ROBO1: variants seen among roughly 807,000 people sequenced by gnomAD.
ROBO1 encodes roundabout homolog 1.
A neutral mutation model predicts 195.9 loss-of-function variants in ROBO1; 149 were observed. The ratio of observed to expected loss-of-function variants is 0.76; its 90% CI spans 0.67 to 0.87. ROBO1 has a LOEUF of 0.87. ROBO1 is among the 40% of genes least tolerant of loss of function. The pLI is 0.00. For missense variants in ROBO1, 1,933 were observed against 2,068.3 expected (o/e 0.93, Z 1.27); for synonymous variants, 816 against 733.2 (o/e 1.11, Z -1.82).
intron 2 of ROBO1, among the ~76,000 whole-genome samples, chr3:79,192,941 G>T (rs1410058987): frequency 6.6e-6 from 1 of 151,626 alleles, no homozygotes; most frequent in African/African-American, 2.4e-5. Context: ...TTGGACCAGA[G>T]AGGCGGTAGC....
At chr3:79,694,618 T>C (rs1947388695) in intron 1 of ROBO1, among the ~76,000 whole-genome samples, 1 of 151,646 alleles carries the variant, frequency 6.6e-6, no homozygotes, top group African/African-American at 2.4e-5. Context: ...TAAAGTAAAG[T>C]TTGAAGGGGG....
intron 3 of ROBO1, among the ~76,000 whole-genome samples, chr3:79,038,624 C>T (rs1197643826): frequency 1.3e-5 from 2 of 151,678 alleles, no homozygotes; most frequent in African/African-American, 2.4e-5. Flanking sequence ...ATTTTCTCAT[C>T]TCACTACTAT....
chr3:79,402,193 T>C (rs2106790480), intron 2 of ROBO1, among the ~76,000 whole-genome samples: 1 of 152,078 alleles, frequency 6.6e-6, no homozygotes, highest in South Asian at 2.1e-4. Context: ...AATAAATTTG[T>C]GACTCGATTT....
At chr3:79,296,038 A>G (rs1422835690) in intron 2 of ROBO1, among the ~76,000 whole-genome samples, 1 of 152,186 alleles carries the variant, frequency 6.6e-6, no homozygotes, top group Non-Finnish European at 1.5e-5. Context: ...AGACACAAGC[A>G]AGTATGAAAT....
intron 2 of ROBO1, among the ~76,000 whole-genome samples, chr3:79,138,397 C>T (rs947350629): frequency 7.9e-5 from 12 of 151,920 alleles, no homozygotes; most frequent in Non-Finnish European, 1.6e-4. Flanking sequence ...TGAATTATTT[C>T]CTTATTTGGA....
At chr3:79,184,349 C>T (rs2081398277) in intron 2 of ROBO1, among the ~76,000 whole-genome samples, 2 of 152,156 alleles carry the variant, frequency 1.3e-5, no homozygotes, top group Admixed American at 1.3e-4. Context: ...GCTTTGAAAA[C>T]AGAGCTCTGC....
intron 1 of ROBO1, among the ~76,000 whole-genome samples, chr3:79,759,957 C>T (rs1287750161): frequency 3.3e-5 from 5 of 151,942 alleles, no homozygotes; most frequent in South Asian, 2.1e-4. Context: ...AAAACTGAGG[C>T]GGGGAGTGGT....
rs545891346 is a variant in ROBO1 at position 79,076,651 on chromosome 3, T to C, written c.172+48805A>G. ...TAGAGTGACTTGCTGATAGTATGTG[T>C]TACACTTGATGGAAAAATGAGAGTC... On this transcript the variant is annotated intron_variant, in intron 3 of 30. Coordinates refer to ENST00000464233, the MANE Select transcript of ROBO1 (RefSeq NM_002941.4). 4.0e-5 allele frequency among the ~76,000 whole-genome samples: 6 copies of C among 151,890 alleles called. No homozygotes were observed. The South Asian group carries it at 1.2e-3, about 31-fold the overall frequency.
intron 2 of ROBO1, among the ~76,000 whole-genome samples, chr3:79,396,556 A>C (rs1262434104): frequency 1.3e-5 from 2 of 152,144 alleles, no homozygotes; most frequent in African/African-American, 4.8e-5. Context: ...AGTTCAAAAG[A>C]GTATCAGATA....
intron 23 of ROBO1, chr3:78,634,576 A>C (rs747407745): frequency 3.5e-6 from 1 of 281,760 alleles, no homozygotes; most frequent in Non-Finnish European, 7.8e-6. Context: ...CAGAGTTCTG[A>C]AATATTTGTG....
intron 24 of ROBO1, among the ~76,000 whole-genome samples, chr3:78,633,080 G>A (rs1705276280): frequency 6.6e-6 from 1 of 152,128 alleles, no homozygotes; most frequent in East Asian, 1.9e-4. Context: ...AAATGCAAAT[G>A]CCATATTCAT....
chr3:79,232,255 A>AT (rs2082332944), intron 2 of ROBO1, among the ~76,000 whole-genome samples: 8 of 142,264 alleles, frequency 5.6e-5, no homozygotes, highest in Admixed American at 1.4e-4. Context: ...TTTAAAAAAA[A>AT]AAAAAATATA....
chr3:78,692,076 C>A (rs1181221102), intron 8 of ROBO1, among the ~76,000 whole-genome samples: 2 of 151,322 alleles, frequency 1.3e-5, no homozygotes, highest in African/African-American at 4.8e-5. Flanking sequence ...AAGTATTCAA[C>A]TCAGTTATCA....
intron 4 of ROBO1, among the ~76,000 whole-genome samples, chr3:78,903,254 T>C (rs1326376115): frequency 6.6e-6 from 1 of 152,188 alleles, no homozygotes; most frequent in African/African-American, 2.4e-5. Context: ...ACACATCCTA[T>C]ACTATAAATA....
chr3:79,648,136 A>G (rs1226238066), intron 1 of ROBO1, among the ~76,000 whole-genome samples: 1 of 152,140 alleles, frequency 6.6e-6, no homozygotes, highest in Non-Finnish European at 1.5e-5. Flanking sequence ...TTATAAGGTC[A>G]GGAACTTTTC....
At chr3:78,636,935 T>TTATATA (rs55894934) in intron 22 of ROBO1, among the ~76,000 whole-genome samples, 4,681 of 96,284 alleles carry the variant, frequency 0.049, 240 homozygotes, top group Middle Eastern at 0.076. Context: ...TACATTCATT[T>TTATATA]TATATATATA....
chr3:78,747,000 C>T, intron 4 of ROBO1, 100 bp from the exon 5 acceptor site: 1 of 669,776 alleles, frequency 1.5e-6, no homozygotes, highest in Non-Finnish European at 2.2e-6. Context: ...TAATAAACTA[C>T]CACTAATAGC....
At chr3:79,004,547 T>C (rs1308710033) in intron 3 of ROBO1, among the ~76,000 whole-genome samples, 2 of 151,980 alleles carry the variant, frequency 1.3e-5, no homozygotes. Flanking sequence ...AAGAAATACA[T>C]CAAATCTATC....
intron 1 of ROBO1, among the ~76,000 whole-genome samples, chr3:79,610,857 T>C (rs902428297): frequency 1.3e-5 from 2 of 152,214 alleles, no homozygotes; most frequent in Non-Finnish European, 2.9e-5. Context: ...ACAGGTATCA[T>C]GGAAAATAAG....
Sources: allele counts gnomAD v4.1 joint callset (sites outside exome capture counted in the v4.1 genomes callset), GRCh38; gene constraint gnomAD v4.1.1; transcripts MANE v1.5; gene names NCBI Gene and HGNC (gene_info 2026-07-23, HGNC 2026-07-21).